CNTN6: variants seen among roughly 807,000 people sequenced by gnomAD.
The protein encoded by CNTN6 is contactin-6.
In CNTN6, 137 loss-of-function variants were observed where a neutral mutation model predicts 122.8. That is an observed-to-expected ratio of 1.12 (90% CI 0.97 to 1.29). The LOEUF (loss-of-function observed/expected upper bound fraction) is 1.29. CNTN6 is among the 50% of genes most tolerant of loss of function. The probability of loss-of-function intolerance (pLI) is 0.00; values close to 1 mark genes in which losing one functional copy is unlikely to be tolerated. For missense variants in CNTN6, 1,634 were observed against 1,223.4 expected (o/e 1.34, Z -5.01); for synonymous variants, 570 against 426.0 (o/e 1.34, Z -4.16).
intron 13 of CNTN6, 111 bp downstream of exon 13, chr3:1,372,585 C>T (rs1233544025): frequency 2.1e-6 from 2 of 950,762 alleles, no homozygotes; most frequent in Non-Finnish European, 3.1e-6. Flanking sequence ...TAATCACTGA[C>T]TGTTTTTGAA....
intron 12 of CNTN6, among the ~76,000 whole-genome samples, chr3:1,366,799 CA>C (rs1227165641): frequency 1.3e-5 from 2 of 152,110 alleles, no homozygotes; most frequent in African/African-American, 4.8e-5. Context: ...GAGGATACAG[CA>C]GTTAAAATGT....
At chr3:1,386,990 G>GTTA (rs1560000523) in intron 20 of CNTN6, among the ~76,000 whole-genome samples, 6 of 151,268 alleles carry the variant, frequency 4.0e-5, no homozygotes. Flanking sequence ...AGATTATCCA[G>GTTA]TTATTTCCAC....
At chr3:1,211,846 G>A (rs1474025853) in intron 2 of CNTN6, among the ~76,000 whole-genome samples, 3 of 152,270 alleles carry the variant, frequency 2.0e-5, no homozygotes, top group Non-Finnish European at 4.4e-5. Flanking sequence ...CAGAGCCCAA[G>A]AAGAACATAT....
chr3:1,216,374 G>A (rs2094130854), intron 2 of CNTN6, among the ~76,000 whole-genome samples: 1 of 152,182 alleles, frequency 6.6e-6, no homozygotes, highest in Non-Finnish European at 1.5e-5. Flanking sequence ...AGCCTGACCA[G>A]ACTGCTTTTA....
intron 19 of CNTN6, among the ~76,000 whole-genome samples, chr3:1,384,156 CAG>C (rs1159390456): frequency 6.6e-6 from 1 of 152,190 alleles, no homozygotes; most frequent in African/African-American, 2.4e-5. Flanking sequence ...ACTGTGCACA[CAG>C]AGTCAACAAT....
intron 20 of CNTN6, among the ~76,000 whole-genome samples, chr3:1,392,218 A>G (rs1694261484): frequency 6.6e-6 from 1 of 152,278 alleles, no homozygotes; most frequent in Admixed American, 6.5e-5. Flanking sequence ...ATCTAGATCA[A>G]TGGAACAGAA....
chr3:1,145,516 G>A lies in CNTN6; in HGVS notation c.-82-2411G>A, dbSNP rs77424925. 8.0e-3 allele frequency among the ~76,000 whole-genome samples: 1,215 copies of A among 152,174 alleles called. 12 individuals are homozygous for A. Among genetic ancestry groups the A allele is most frequent in the Non-Finnish European group, 0.013 (868 of 68,006 alleles). On this transcript the variant is annotated intron_variant, in intron 1 of 22. Coordinates refer to ENST00000446702, the MANE Select transcript of CNTN6 (RefSeq NM_001289080.2). ...TTGGGTAAAAAAATAATGAATATCC[G>A]TTAAATAAGTGTACCATGTAATTTA...
chr3:1,141,604 G>C (rs1343156928), intron 1 of CNTN6, among the ~76,000 whole-genome samples: 7 of 152,132 alleles, frequency 4.6e-5, no homozygotes, highest in African/African-American at 1.7e-4. Flanking sequence ...CTGCAAAAGA[G>C]GTAAGAAAAA....
chr3:1,372,419 A>G lies in CNTN6; in HGVS notation c.1613A>G (p.Asn538Ser), dbSNP rs750741583. ...SIEVVFVWFF[N>S]GDVIDLKKGV... ...GAAGTGGTATTTGTATGGTTTTTCA[A>G]TGGAGATGTCATAGACTTAAAAAAA... The change falls in exon 13 of 23, where the codon AAT becomes AGT. Residue 538 changes from asparagine to serine, a missense_variant. Asn to Ser is a conservative substitution (Grantham distance 46). Coordinates refer to ENST00000446702, the MANE Select transcript of CNTN6 (RefSeq NM_001289080.2). 2.5e-6 allele frequency: 4 copies of G among 1,613,282 alleles called. No homozygotes were observed. The highest frequency in any genetic ancestry group is 3.4e-6 in the Non-Finnish European group (4 of 1,179,552).
intron 20 of CNTN6, among the ~76,000 whole-genome samples, chr3:1,401,131 CTCTG>C (rs1017183097): frequency 3.9e-5 from 6 of 151,956 alleles, no homozygotes; most frequent in East Asian, 1.9e-4. Flanking sequence ...TAAAGAGACC[CTCTG>C]TCTGTTTATA....
intron 4 of CNTN6, among the ~76,000 whole-genome samples, chr3:1,257,918 G>A (rs2125695484): frequency 6.6e-6 from 1 of 152,294 alleles, no homozygotes; most frequent in South Asian, 2.1e-4. Context: ...TTAGAAGTCA[G>A]CATTAAGACC....
At chr3:1,110,763 T>G (rs537642351) in intron 1 of CNTN6, among the ~76,000 whole-genome samples, 1 of 152,268 alleles carries the variant, frequency 6.6e-6, no homozygotes, top group Non-Finnish European at 1.5e-5. Flanking sequence ...GATGTGCAGT[T>G]GAAGTCCTCC....
chr3:1,365,712 C>T (rs1708120807), intron 12 of CNTN6, among the ~76,000 whole-genome samples: 1 of 151,932 alleles, frequency 6.6e-6, no homozygotes, highest in Non-Finnish European at 1.5e-5. Context: ...ATTACTTTTG[C>T]ACCAATCCAA....
chr3:1,319,219 T>C (rs1337599623), intron 7 of CNTN6, among the ~76,000 whole-genome samples: 1 of 151,622 alleles, frequency 6.6e-6, no homozygotes, highest in African/African-American at 2.4e-5. Context: ...TGACTTTTAA[T>C]GGCAAAAGCC....
At chr3:1,355,901 G>A (rs1347139630) in intron 12 of CNTN6, among the ~76,000 whole-genome samples, 1 of 151,770 alleles carries the variant, frequency 6.6e-6, no homozygotes, top group Non-Finnish European at 1.5e-5. Context: ...GGATTCTGAA[G>A]TTATCTGCAC....
At chr3:1,395,381 GA>G (rs771412328) in intron 20 of CNTN6, among the ~76,000 whole-genome samples, 1 of 152,154 alleles carries the variant, frequency 6.6e-6, no homozygotes, top group Non-Finnish European at 1.5e-5. Context: ...ACTAGCTTTG[GA>G]AGCTCCAAAG....
At chr3:1,394,873 C>G (rs142255383) in intron 20 of CNTN6, among the ~76,000 whole-genome samples, 143 of 152,206 alleles carry the variant, frequency 9.4e-4, no homozygotes, top group African/African-American at 3.3e-3. Context: ...TTTTCGAAAA[C>G]AGTTAAATTA....
intron 1 of CNTN6, among the ~76,000 whole-genome samples, chr3:1,120,579 A>G (rs938496100): frequency 7.9e-5 from 12 of 151,876 alleles, no homozygotes; most frequent in African/African-American, 2.9e-4. Context: ...TCTATCAGAT[A>G]TATGTATTTT....
chr3:1,328,788 AGCTTT>A, intron 10 of CNTN6, among the ~76,000 whole-genome samples: 2 of 151,662 alleles, frequency 1.3e-5, no homozygotes, highest in Non-Finnish European at 2.9e-5. Context: ...AGTTCACTTG[AGCTTT>A]AGATTAGAAA....
Sources: gnomAD v4.1 joint callset for allele counts (sites outside exome capture counted in the v4.1 genomes callset) on GRCh38, gnomAD v4.1.1 for gene constraint, MANE v1.5 for transcripts, NCBI Gene and HGNC (gene_info 2026-07-23, HGNC 2026-07-21) for gene names.